The following SPTBN4 variants were observed in gnomAD, a reference collection of about 807,000 sequenced individuals.
SPTBN4 encodes spectrin beta, non-erythrocytic 4.
A neutral mutation model predicts 277.8 loss-of-function variants in SPTBN4; 96 were observed. The ratio of observed to expected loss-of-function variants is 0.35; its 90% CI spans 0.29 to 0.41. The LOEUF (loss-of-function observed/expected upper bound fraction) is 0.41. SPTBN4 is among the 10% of genes least tolerant of loss of function. SPTBN4 has a pLI of 1.00. For missense variants in SPTBN4, 3,006 were observed against 3,595.7 expected (o/e 0.84, Z 4.19); for synonymous variants, 1,481 against 1,580.3 (o/e 0.94, Z 1.49).
rs751881992 is a variant in SPTBN4 at position 40,515,282 on chromosome 19, G to GGT, written c.2766-26_2766-25dup. The GGT allele has an allele frequency of 3.7e-6, 6 of 1,609,632 alleles. No individual in the cohort carries two copies. In the South Asian group the frequency reaches 6.7e-5, roughly 18 times the overall value. ...ATAAAACCAAGGTCCGCAGGGTTCG[G>GGT]GTGTCTGAGCATCTCCATCCTCCTG... On this transcript the variant is annotated intron_variant, in intron 14 of 35. Coordinates refer to ENST00000598249, the MANE Select transcript of SPTBN4 (RefSeq NM_020971.3). This position sits in a 1 kb window ranked among gnomAD's most constrained non-coding sequence, Gnocchi z 4.1.
chr19:40,570,563 G>C lies in SPTBN4; in HGVS notation c.7154G>C (p.Arg2385Pro). 4 of 1,339,660 alleles carry C rather than the reference G, an allele frequency of 3.0e-6. No individual in the cohort carries two copies. The highest frequency in any genetic ancestry group is 3.8e-6 in the Non-Finnish European group (4 of 1,047,500). The allele number at this position is 1,339,660 out of a possible 1,614,324, so 83.0% of individuals were successfully genotyped here. Residue 2385 changes from arginine (R) to proline (P), a missense_variant, in exon 33 of 36, where the codon CGG (arginine) becomes CCG (proline). By Grantham distance (103) the Arg-to-Pro change is moderately radical (BLOSUM62 -2). This residue lies in a region of SPTBN4 where 630 missense variants were observed against 677.6 expected (regional missense o/e 0.93). Transcript: ENST00000598249. The stretch of plus-strand genomic sequence containing the variant: ...CGGCCCAAGCCGCGACGGCGGCCGC[G>C]GCCCAGAGAGGGTGGTGAGGGCGGG... The part of the protein sequence containing the change: ...RDRPKPRRRP[R>P]PREGGEGGGS...
chr19:40,474,910 T>A (rs926215585), intron 2 of SPTBN4, among the ~76,000 whole-genome samples: 7 of 151,788 alleles, frequency 4.6e-5, no homozygotes, highest in Non-Finnish European at 8.8e-5. Context: ...AACAAAAAAA[T>A]TTTTTTGTAA....
At position 40,573,759 on chromosome 19, in the gene SPTBN4, C is replaced by T. The variant is rs763150327; in HGVS notation, c.7536+1379C>T. ...CAGAGGTTGCAGTGAGCTGAGACAG[C>T]GCCATTGCACTCCAGCCTGGGTAAC... is the stretch of plus-strand genomic sequence containing the variant. On this transcript the variant is annotated intron_variant, in intron 35 of 35. Transcript: ENST00000598249. 1.7e-4 allele frequency among the ~76,000 whole-genome samples: 25 copies of T among 151,410 alleles called. 1 individual carries two copies. Among genetic ancestry groups the T allele is most frequent in the Non-Finnish European group, 1.2e-4 (8 of 67,860 alleles).
At chr19:40,538,620 C>G (rs1434951988) in intron 20 of SPTBN4, among the ~76,000 whole-genome samples, 1 of 152,146 alleles carries the variant, frequency 6.6e-6, no homozygotes, top group South Asian at 2.1e-4. Context: ...CAGTTTCTAC[C>G]TCTGTCACCC....
chr19:40,569,727 G>A lies in SPTBN4; in HGVS notation c.7026+1G>A. The A allele has an allele frequency of 6.2e-7, 1 of 1,610,206 alleles. No individual in the cohort carries two copies. Among genetic ancestry groups the A allele is most frequent in the Non-Finnish European group, 8.5e-7 (1 of 1,178,662 alleles). ...GGCAGGCCCAGGGCTGCCTGCTGGG[G>A]TAAGTTGAGCCTCGGATGGGTGGGG... On this transcript the variant is annotated splice_donor_variant, in intron 32 of 35. Transcript: ENST00000598249. LOFTEE classifies it high-confidence loss of function.
rs777993962 is a variant in SPTBN4 at position 40,472,750 on chromosome 19, G to A, written c.129G>A (p.Ala43=). The change falls in exon 2 of 36, where the codon GCG becomes GCA. Residue 43 remains alanine, a synonymous_variant. Coordinates refer to ENST00000598249, the MANE Select transcript of SPTBN4 (RefSeq NM_020971.3). ...AGCAGCCGGCTGCGTCCACCGCAGC[G>A]GCCTCGCTCTTTGAGTGCTCCCGGA... ...EREQPAASTA[A]ASLFECSRIK... 42 of 1,601,474 alleles carry A rather than the reference G, an allele frequency of 2.6e-5. No individual in the cohort carries two copies. The highest frequency in any genetic ancestry group is 9.4e-5 in the African/African-American group (7 of 74,822).
At position 40,554,607 on chromosome 19, in the gene SPTBN4, G is replaced by T. The variant is rs1000095790; in HGVS notation, c.5045G>T (p.Arg1682Leu). Residue 1682 changes from arginine (R) to leucine (L), a missense_variant, in exon 24 of 36, where the codon CGC becomes CTC. By Grantham distance (102) the Arg-to-Leu change is moderately radical (BLOSUM62 -2). This residue lies in a region of SPTBN4 where 425 missense variants were observed against 594.7 expected (regional missense o/e 0.71). Coordinates refer to ENST00000598249, the MANE Select transcript of SPTBN4 (RefSeq NM_020971.3). This position sits in a 1 kb window ranked among gnomAD's most constrained non-coding sequence, Gnocchi z 5.7. ...GAGGAAAGCATCGCGCAGCTGTCGCGCCAGTGCCGGGCGCTGCTGGAGATG... is the reference window on the plus strand; with the variant it reads ...GAGGAAAGCATCGCGCAGCTGTCGCTCCAGTGCCGGGCGCTGCTGGAGATG... ...NYEESIAQLS[R>L]QCRALLEMGH... 5.7e-6 allele frequency: 9 copies of T among 1,567,276 alleles called. No homozygotes were observed. The highest frequency in any genetic ancestry group is 1.4e-5 in the African/African-American group (1 of 73,608).
intron 20 of SPTBN4, among the ~76,000 whole-genome samples, chr19:40,538,178 C>G (rs1245277721): frequency 7.4e-6 from 1 of 134,458 alleles, no homozygotes; most frequent in African/African-American, 2.8e-5. Flanking sequence ...CACTTGAGAT[C>G]AGGAATTCAA....
At position 40,556,251 on chromosome 19, in the gene SPTBN4, G is replaced by A; in HGVS notation, c.5252G>A (p.Gly1751Asp). ...HWIAEKEVVAGSPELGQDFEH... is the reference protein window; with the variant it reads ...HWIAEKEVVADSPELGQDFEH... ...ATTGCCGAGAAGGAGGTGGTGGCTG[G>A]CTCACCCGAGCTCGGCCAGGACTTT... Residue 1751 changes from glycine (G) to aspartate (D), a missense_variant, in exon 25 of 36, where the codon GGC becomes GAC. Around this residue, in one of 5 missense-constraint regions of SPTBN4, gnomAD observed 425 missense variants for 594.7 expected, o/e 0.71. Coordinates refer to ENST00000598249, the MANE Select transcript of SPTBN4 (RefSeq NM_020971.3). The A allele has an allele frequency of 6.2e-7, 1 of 1,613,328 alleles. No individual in the cohort carries two copies. The highest frequency in any genetic ancestry group is 8.5e-7 in the Non-Finnish European group (1 of 1,179,790).
intron 2 of SPTBN4, among the ~76,000 whole-genome samples, chr19:40,474,417 G>A (rs533348652): frequency 6.6e-6 from 1 of 151,124 alleles, no homozygotes; most frequent in East Asian, 2.0e-4. Flanking sequence ...AACCAGTACA[G>A]TGGGTCACCC....
rs567161952 is a variant in SPTBN4, at chr19:40,522,348, ATT to A, written c.3655-1070_3655-1069del. ...CAGCCTTCAGTCTTCATAGTAACCAATTTTTTTTTTTTTTTTTTTTGAGATGG... is the reference window on the plus strand; with the variant it reads ...CAGCCTTCAGTCTTCATAGTAACCAATTTTTTTTTTTTTTTTTTGAGATGG... On this transcript the variant is annotated intron_variant, in intron 16 of 35. Transcript: ENST00000598249. 2.1e-3 allele frequency among the ~76,000 whole-genome samples: 248 copies of A among 117,654 alleles called. 1 individual carries two copies. The highest frequency in any genetic ancestry group is 5.7e-3 in the Middle Eastern group (1 of 176). 77.2% of individuals were successfully genotyped at this position (117,654 alleles called of 152,430 possible).
chr19:40,510,351 C>T (rs1335030425), intron 13 of SPTBN4, among the ~76,000 whole-genome samples: 2 of 151,974 alleles, frequency 1.3e-5, no homozygotes, highest in African/African-American at 4.8e-5. Context: ...GTTGCCCAGG[C>T]TGGAGTACGG....
intron 12 of SPTBN4, 35 bp from the exon 13 acceptor site, chr19:40,506,201 G>A (rs777264389): frequency 1.3e-6 from 2 of 1,586,918 alleles, no homozygotes; most frequent in African/African-American, 2.7e-5. Flanking sequence ...CCAGGGCAGT[G>A]CCAGAGGTGT....
intron 3 of SPTBN4, among the ~76,000 whole-genome samples, chr19:40,488,308 G>A (rs1426604524): frequency 1.3e-5 from 2 of 152,100 alleles, no homozygotes; most frequent in African/African-American, 4.8e-5. Flanking sequence ...CGTTGGTAGG[G>A]TGACACCTAG....
Position 40,512,658 on chromosome 19 carries a change from C to T in SPTBN4, c.1869C>T (p.His623=), listed in dbSNP as rs1216685570. The T allele has an allele frequency of 3.9e-6, 6 of 1,539,696 alleles. No homozygotes were observed. The highest frequency in any genetic ancestry group is 5.2e-6 in the Non-Finnish European group (6 of 1,150,256). ...TCTGCAACCGCGTGAACCACGTGCA[C>T]GGCTGCCTGGCGGAGCTGCAGGAGC... The part of the protein sequence containing the change: ...QVICNRVNHV[H]GCLAELQEQA... The change falls in exon 14 of 36, where the codon CAC becomes CAT. Residue 623 remains histidine, a synonymous_variant. Coordinates refer to ENST00000598249, the MANE Select transcript of SPTBN4 (RefSeq NM_020971.3).
At chr19:40,535,345 A>G (rs1157372236) in intron 20 of SPTBN4, among the ~76,000 whole-genome samples, 1 of 152,086 alleles carries the variant, frequency 6.6e-6, no homozygotes, top group Non-Finnish European at 1.5e-5. Context: ...GGTGTGAGCC[A>G]TGGTATCTGG....
chr19:40,518,025 G>A (rs544231061), intron 15 of SPTBN4, among the ~76,000 whole-genome samples: 1 of 152,326 alleles, frequency 6.6e-6, no homozygotes, highest in Admixed American at 6.5e-5. Context: ...CAAGAAACAG[G>A]CAGGGCATGG....
At chr19:40,503,534 G>C (rs2080287147) in intron 11 of SPTBN4, among the ~76,000 whole-genome samples, 1 of 151,078 alleles carries the variant, frequency 6.6e-6, no homozygotes, top group Admixed American at 6.6e-5. Context: ...GGGTGGAGCT[G>C]GTCTCCAGGA....
In SPTBN4 at chr19:40,557,247, G is replaced by A. The variant is rs575876799; in HGVS notation, c.5514G>A (p.Lys1838=). 6.2e-7 allele frequency: 1 copy of A among 1,613,596 alleles called. No homozygotes were observed. Among genetic ancestry groups the A allele is most frequent in the Non-Finnish European group, 8.5e-7 (1 of 1,179,724 alleles). ...QLLAASRELH[K]FFSDARELQG... The stretch of plus-strand genomic sequence containing the variant: ...TGGCCGCCTCTCGGGAGCTTCATAA[G>A]TTCTTCAGTGACGCCCGAGAGCTTC... The change falls in exon 26 of 36, where the codon AAG becomes AAA. Residue 1838 remains lysine (K), a synonymous_variant. Coordinates refer to ENST00000598249, the MANE Select transcript of SPTBN4 (RefSeq NM_020971.3).
Sources: allele counts gnomAD v4.1 joint callset (sites outside exome capture counted in the v4.1 genomes callset), GRCh38; gene constraint gnomAD v4.1.1; regional missense constraint gnomAD v4.1.1; non-coding constraint Gnocchi (gnomAD v3.1); transcripts MANE v1.5; gene names NCBI Gene and HGNC (gene_info 2026-07-23, HGNC 2026-07-21).